The following PARG variants were observed in gnomAD, a reference collection of about 807,000 sequenced individuals.
PARG encodes mitochondrial poly(ADP-ribose) glycohydrolase.
PARG carries 35 observed loss-of-function variants against 113.0 expected under a neutral mutation model. The ratio of observed to expected loss-of-function variants is 0.31; its 90% confidence interval spans 0.24 to 0.41. The LOEUF is 0.41. Ranked by LOEUF, PARG falls within the 10% of genes least tolerant of loss-of-function variation. The pLI is 1.00. For synonymous variants in PARG, 330 were observed against 409.9 expected (o/e 0.81, Z 2.36); for missense variants, 797 against 1,169.4 (o/e 0.68, Z 4.64).
At chr10:49,870,055 G>A (rs1846719373) in intron 9 of PARG, among the ~76,000 whole-genome samples, 1 of 152,132 alleles carries the variant, frequency 6.6e-6, no homozygotes, top group South Asian at 2.1e-4. Flanking sequence ...AACAATCCTT[G>A]TTAATTAAAC....
rs577511744 is a variant in PARG at position 49,904,831 on chromosome 10, G to A, written c.1737+11086C>T. 9.2e-5 allele frequency among the ~76,000 whole-genome samples: 14 copies of A among 152,110 alleles called. No individual in the cohort carries two copies. In the East Asian group the frequency reaches 1.5e-3, roughly 17 times the overall value. On this transcript the variant is annotated intron_variant, in intron 7 of 17. Transcript: ENST00000616448. ...CTCAGGAGGCTGAGGCAGGAGAATC[G>A]CTTGAACCCAGGAGGCGGAGGTTGC... is the stretch of plus-strand genomic sequence containing the variant.
chr10:49,930,258 A>G (rs1280885543), intron 4 of PARG, among the ~76,000 whole-genome samples: 2 of 150,484 alleles, frequency 1.3e-5, no homozygotes, highest in Non-Finnish European at 3.0e-5. Context: ...ATTTGCATCA[A>G]ACTTCAAAAG....
intron 15 of PARG, among the ~76,000 whole-genome samples, chr10:49,836,983 T>A (rs1272322478): frequency 6.6e-6 from 1 of 152,166 alleles, no homozygotes; most frequent in African/African-American, 2.4e-5. Flanking sequence ...GCAGTGCTAT[T>A]TGCCACTTTT....
intron 13 of PARG, among the ~76,000 whole-genome samples, chr10:49,844,663 A>C (rs1411779101): frequency 2.6e-5 from 4 of 151,250 alleles, no homozygotes; most frequent in Non-Finnish European, 5.9e-5. Flanking sequence ...AAGAAAACTT[A>C]AATGGAGACC....
At chr10:49,844,707 G>A (rs1233147152) in intron 13 of PARG, among the ~76,000 whole-genome samples, 1 of 150,438 alleles carries the variant, frequency 6.6e-6, no homozygotes, top group African/African-American at 2.4e-5. Flanking sequence ...CTGAGATCAT[G>A]CCACTGCCCT....
chr10:49,846,762 G>C (rs1326733050), intron 13 of PARG, among the ~76,000 whole-genome samples: 1 of 152,050 alleles, frequency 6.6e-6, no homozygotes, highest in Non-Finnish European at 1.5e-5. Context: ...GTGTGTGTGT[G>C]TGTGTGTGTG....
chr10:49,920,616 G>GTA (rs1491302781), intron 6 of PARG, among the ~76,000 whole-genome samples: 3 of 142,004 alleles, frequency 2.1e-5, no homozygotes, highest in African/African-American at 5.3e-5. Flanking sequence ...ACATATATAC[G>GTA]TATATATATA....
intron 7 of PARG, among the ~76,000 whole-genome samples, chr10:49,896,729 T>G (rs1848108422): frequency 1.3e-5 from 2 of 152,342 alleles, no homozygotes; most frequent in East Asian, 1.9e-4. Context: ...TGTATTATCC[T>G]TTTTACATAT....
intron 4 of PARG, among the ~76,000 whole-genome samples, chr10:49,928,613 T>C (rs1343918172): frequency 6.6e-6 from 1 of 152,234 alleles, no homozygotes; most frequent in Non-Finnish European, 1.5e-5. Context: ...CAAGTAATCC[T>C]TCTGCCTTAG....
chr10:49,926,199 G>A (rs1184196743), intron 4 of PARG, among the ~76,000 whole-genome samples: 1 of 152,196 alleles, frequency 6.6e-6, no homozygotes, highest in South Asian at 2.1e-4. Flanking sequence ...ATCTAACAAA[G>A]GCAAAATGGA....
intron 7 of PARG, among the ~76,000 whole-genome samples, chr10:49,891,802 G>C (rs572087866): frequency 4.0e-5 from 6 of 150,316 alleles, no homozygotes; most frequent in African/African-American, 1.5e-4. Flanking sequence ...GCTAATTTTT[G>C]TATTTTTAGA....
intron 7 of PARG, among the ~76,000 whole-genome samples, chr10:49,892,851 C>T (rs1261507267): frequency 6.6e-6 from 1 of 152,114 alleles, no homozygotes; most frequent in East Asian, 1.9e-4. Context: ...GGAGGCCAAG[C>T]CAAGTGGATC....
intron 14 of PARG, 46 bp from the exon 15 acceptor site, chr10:49,842,104 G>A (rs1192271112): frequency 3.8e-6 from 5 of 1,329,048 alleles, no homozygotes; most frequent in East Asian, 2.5e-5. Context: ...ACAGGTAGTC[G>A]CTCAAATAAA....
At chr10:49,859,834 C>T (rs1205194361) in intron 12 of PARG, among the ~76,000 whole-genome samples, 1 of 152,182 alleles carries the variant, frequency 6.6e-6, no homozygotes, top group East Asian at 1.9e-4. Flanking sequence ...AGTTTTACTA[C>T]TTAAAAAAGT....
intron 16 of PARG, among the ~76,000 whole-genome samples, chr10:49,832,256 C>A (rs1352317571): frequency 6.6e-6 from 1 of 152,232 alleles, no homozygotes; most frequent in African/African-American, 2.4e-5. Context: ...GCAGCTCTCC[C>A]AGGCTGTGCT....
At chr10:49,864,878 C>T (rs1320799275) in intron 11 of PARG, among the ~76,000 whole-genome samples, 25 of 137,340 alleles carry the variant, frequency 1.8e-4, no homozygotes, top group Admixed American at 2.2e-4. Flanking sequence ...TGCCACTCGA[C>T]GAACTCTAGA....
At chr10:49,932,813 C>A (rs1370329970) in intron 3 of PARG, among the ~76,000 whole-genome samples, 5 of 147,022 alleles carry the variant, frequency 3.4e-5, no homozygotes, top group African/African-American at 1.3e-4. Context: ...CCTGTCACGG[C>A]ATTAAACAAA....
At chr10:49,893,701 T>G (rs1170631806) in intron 7 of PARG, among the ~76,000 whole-genome samples, 1 of 151,490 alleles carries the variant, frequency 6.6e-6, no homozygotes, top group Non-Finnish European at 1.5e-5. Context: ...TTTTTTTTTT[T>G]CCTTTTTTTT....
At chr10:49,828,169 C>T (rs1411898885) in intron 16 of PARG, among the ~76,000 whole-genome samples, 5 of 127,516 alleles carry the variant, frequency 3.9e-5, no homozygotes, top group African/African-American at 1.5e-4. Flanking sequence ...TTGTAATCTA[C>T]AAAATTATGA....
Sources: allele counts gnomAD v4.1 joint callset (sites outside exome capture counted in the v4.1 genomes callset), GRCh38; gene constraint gnomAD v4.1.1; transcripts MANE v1.5; gene names NCBI Gene and HGNC (gene_info 2026-07-23, HGNC 2026-07-21).